RBPMS: variants seen among roughly 807,000 people sequenced by gnomAD.
RBPMS encodes RNA-binding protein with multiple splicing.
A neutral mutation model predicts 26.8 loss-of-function variants in RBPMS; 7 were observed. The observed-to-expected ratio is 0.26, with a 90% CI of 0.15 to 0.49. The LOEUF (loss-of-function observed/expected upper bound fraction) is 0.49, where lower values mean the gene tolerates loss of function less well. Among genes scored for constraint, RBPMS ranks in the 20% least tolerant of loss-of-function variants. The pLI is 0.98. For synonymous variants in RBPMS, 96 were observed against 93.3 expected, an observed-to-expected ratio of 1.03 and a Z score of -0.17; for missense variants, 186 against 250.0, an observed-to-expected ratio of 0.74 and a Z score of 1.73.
intron 1 of RBPMS, chr8:30,446,820 TGTGTGTGTGTGTGTGTGTGTGTGCGC>T (rs1299174376): frequency 6.2e-5 from 6 of 96,418 alleles, no homozygotes; most frequent in African/African-American, 1.1e-4. Context: ...TGTGTGTGTG[TGTGTGTGTGTGTGTGTGTGTGTGCGC>T]GCGCGCGCGC....
At chr8:30,464,454 A>G (rs1389730582) in intron 1 of RBPMS, among the ~76,000 whole-genome samples, 1 of 152,158 alleles carries the variant, frequency 6.6e-6, no homozygotes, top group Non-Finnish European at 1.5e-5. Context: ...ACCTTCTCTA[A>G]TTGTTAGAAG....
chr8:30,556,137 C>T, intron 6 of RBPMS: 3 of 985,400 alleles, frequency 3.0e-6, no homozygotes, highest in Middle Eastern at 5.2e-4. Flanking sequence ...AGTGTCCTAG[C>T]CTGAGACACA....
intron 1 of RBPMS, among the ~76,000 whole-genome samples, chr8:30,469,991 C>CTTAG (rs1243820806): frequency 1.1e-4 from 16 of 152,118 alleles, no homozygotes; most frequent in African/African-American, 3.9e-4. Context: ...ATTCAGTAGG[C>CTTAG]TTAGCAAAGC....
chr8:30,484,968 A>G (rs909258327), intron 4 of RBPMS, among the ~76,000 whole-genome samples: 7 of 152,190 alleles, frequency 4.6e-5, no homozygotes, highest in Admixed American at 3.9e-4. Context: ...CATTTGTGAG[A>G]TGGAGGTATT....
chr8:30,434,268 T>C (rs1292634205), intron 1 of RBPMS, among the ~76,000 whole-genome samples: 1 of 152,114 alleles, frequency 6.6e-6, no homozygotes, highest in Non-Finnish European at 1.5e-5. Context: ...TTAGGTCCAG[T>C]ACTGGGGATC....
chr8:30,425,743 C>T (rs948301743), intron 1 of RBPMS, among the ~76,000 whole-genome samples: 41 of 152,018 alleles, frequency 2.7e-4, no homozygotes, highest in African/African-American at 9.9e-4. Flanking sequence ...AGTTAGTGTA[C>T]AATTTGTCAG....
At chr8:30,487,371 G>T (rs1302950853) in intron 4 of RBPMS, among the ~76,000 whole-genome samples, 1 of 152,174 alleles carries the variant, frequency 6.6e-6, no homozygotes, top group African/African-American at 2.4e-5. Flanking sequence ...AGAACCCTTG[G>T]TCTTACTCTG....
At chr8:30,409,628 T>C (rs1011229514) in intron 1 of RBPMS, among the ~76,000 whole-genome samples, 1 of 152,238 alleles carries the variant, frequency 6.6e-6, no homozygotes, top group African/African-American at 2.4e-5. Context: ...ATACATTCTT[T>C]ATTTTTTATT....
At chr8:30,530,365 T>G (rs1444317755) in intron 5 of RBPMS, among the ~76,000 whole-genome samples, 1 of 152,222 alleles carries the variant, frequency 6.6e-6, no homozygotes, top group East Asian at 1.9e-4. Flanking sequence ...GGTCAAGTTA[T>G]TTAACTTCTC....
At chr8:30,435,476 A>G (rs953004565) in intron 1 of RBPMS, among the ~76,000 whole-genome samples, 2 of 152,254 alleles carry the variant, frequency 1.3e-5, no homozygotes, top group African/African-American at 4.8e-5. Context: ...ATTCTGTTTC[A>G]TAAATCACAG....
chr8:30,464,239 A>T (rs1816254937), intron 1 of RBPMS, among the ~76,000 whole-genome samples: 1 of 152,156 alleles, frequency 6.6e-6, no homozygotes. Flanking sequence ...ACTTTGACTC[A>T]ATTTTTACAT....
chr8:30,532,756 TCCCAGGTCTTCGGA>T (rs1824369078), intron 5 of RBPMS, among the ~76,000 whole-genome samples: 1 of 152,198 alleles, frequency 6.6e-6, no homozygotes, highest in South Asian at 2.1e-4. Flanking sequence ...TCCAAAGAGT[TCCCAGGTCTTCGGA>T]CACTTTTCAG....
intron 1 of RBPMS, chr8:30,453,563 G>A (rs1266279393): frequency 6.6e-6 from 1 of 152,214 alleles, no homozygotes; most frequent in African/African-American, 2.4e-5. Context: ...GAAAGTTCAT[G>A]CTATCACTAG....
intron 1 of RBPMS, among the ~76,000 whole-genome samples, chr8:30,411,517 T>G (rs954538885): frequency 3.3e-5 from 5 of 151,738 alleles, no homozygotes; most frequent in Non-Finnish European, 7.4e-5. Flanking sequence ...ATTTAAAAAT[T>G]AGCTGGGCAT....
rs138331239 is a variant in RBPMS, at chr8:30,528,746, G to C, written c.398-15748G>C. Among the ~76,000 whole-genome samples, 746 of 152,230 alleles carry C rather than the reference G, an allele frequency of 4.9e-3. 8 individuals are homozygous for C. The highest frequency in any genetic ancestry group is 0.017 in the African/African-American group (697 of 41,534). On this transcript the variant is annotated intron_variant, in intron 5 of 8. Transcript: ENST00000397323. ...TTTAAATGTGCCCATGGTCACATTTGGTAAGCTGCTCATCTGAGGTTTTAA... is the reference window on the plus strand; with the variant it reads ...TTTAAATGTGCCCATGGTCACATTTCGTAAGCTGCTCATCTGAGGTTTTAA...
chr8:30,558,654 G>C, intron 6 of RBPMS: 1 of 597,028 alleles, frequency 1.7e-6, no homozygotes, highest in Non-Finnish European at 3.0e-6. Context: ...GGCACTTCTC[G>C]AGGTGGGTGC....
intron 1 of RBPMS, among the ~76,000 whole-genome samples, chr8:30,466,222 CT>C (rs1341095290): frequency 6.6e-6 from 1 of 152,122 alleles, no homozygotes; most frequent in Non-Finnish European, 1.5e-5. Context: ...ATATGGATGG[CT>C]TTTTCTTTTA....
At chr8:30,416,179 G>A (rs534509314) in intron 1 of RBPMS, among the ~76,000 whole-genome samples, 1 of 152,270 alleles carries the variant, frequency 6.6e-6, no homozygotes, top group Admixed American at 6.5e-5. Context: ...ACAAAATGAT[G>A]AAGAGTAGAA....
intron 1 of RBPMS, among the ~76,000 whole-genome samples, chr8:30,461,002 G>T (rs912470655): frequency 1.3e-5 from 2 of 149,202 alleles, no homozygotes; most frequent in African/African-American, 5.0e-5. Flanking sequence ...GTAGTGAGCC[G>T]AGATCACACC....
Sources: gnomAD v4.1 joint callset for allele counts (sites outside exome capture counted in the v4.1 genomes callset) on GRCh38, gnomAD v4.1.1 for gene constraint, MANE v1.5 for transcripts, NCBI Gene and HGNC (gene_info 2026-07-23, HGNC 2026-07-21) for gene names.